The following STAG1 variants were observed in gnomAD, a reference collection of about 807,000 sequenced individuals.
The protein encoded by STAG1 is cohesin subunit SA-1.
STAG1 carries 26 observed loss-of-function variants against 170.9 expected under a neutral mutation model. The ratio of observed to expected loss-of-function variants is 0.15; its 90% confidence interval spans 0.11 to 0.21. The LOEUF (loss-of-function observed/expected upper bound fraction) is 0.21. STAG1 is among the 10% of genes least tolerant of loss of function. STAG1 has a pLI of 1.00. For missense variants in STAG1, 964 were observed against 1,509.5 expected (o/e 0.64, Z 5.99); for synonymous variants, 514 against 497.7 (o/e 1.03, Z -0.44).
chr3:136,586,585 G>A (rs1234626248), intron 4 of STAG1, among the ~76,000 whole-genome samples: 1 of 152,140 alleles, frequency 6.6e-6, no homozygotes, highest in Non-Finnish European at 1.5e-5. Flanking sequence ...TTCCTTCAAG[G>A]ATCTAGCTCT....
chr3:136,662,509 T>C (rs760720404), intron 1 of STAG1, among the ~76,000 whole-genome samples: 1 of 151,990 alleles, frequency 6.6e-6, no homozygotes, highest in Non-Finnish European at 1.5e-5. Context: ...GCTAGCGCAA[T>C]CATGACTCAC....
intron 24 of STAG1, among the ~76,000 whole-genome samples, chr3:136,368,727 C>G (rs1340793167): frequency 6.6e-6 from 1 of 152,094 alleles, no homozygotes. Context: ...AAAGACAGAG[C>G]TCTCTATATA....
chr3:136,541,582 A>ACACACACACACACACACACACC (rs1283802944), intron 6 of STAG1, among the ~76,000 whole-genome samples: 1 of 150,066 alleles, frequency 6.7e-6, no homozygotes. Context: ...ACACACACAC[A>ACACACACACACACACACACACC]CACCAGGGGT....
At chr3:136,677,435 T>C (rs1445329904) in intron 1 of STAG1, among the ~76,000 whole-genome samples, 1 of 152,202 alleles carries the variant, frequency 6.6e-6, no homozygotes, top group Non-Finnish European at 1.5e-5. Context: ...GACATATGAC[T>C]ATATATAAAA....
At chr3:136,487,426 C>T (rs889994750) in intron 9 of STAG1, among the ~76,000 whole-genome samples, 4 of 152,180 alleles carry the variant, frequency 2.6e-5, no homozygotes, top group Non-Finnish European at 4.4e-5. Flanking sequence ...TTTCATACCA[C>T]ATGTTTTCTA....
chr3:136,708,909 A>G (rs1943302778), intron 1 of STAG1, among the ~76,000 whole-genome samples: 1 of 143,436 alleles, frequency 7.0e-6, no homozygotes. Context: ...GGCTGAATCA[A>G]CCCTCCCACC....
chr3:136,650,363 A>T (rs1031465558), intron 1 of STAG1, among the ~76,000 whole-genome samples: 2 of 152,360 alleles, frequency 1.3e-5, no homozygotes, highest in South Asian at 4.1e-4. Flanking sequence ...TGAAGAAAAT[A>T]GTCATTTTTA....
intron 32 of STAG1, 55 bp downstream of exon 32, chr3:136,340,436 T>C: frequency 8.4e-7 from 1 of 1,195,616 alleles, no homozygotes; most frequent in Non-Finnish European, 1.2e-6. Flanking sequence ...AGGATCATCT[T>C]ACACCAATGC....
At chr3:136,642,206 T>C (rs1410564201) in intron 1 of STAG1, among the ~76,000 whole-genome samples, 2 of 150,590 alleles carry the variant, frequency 1.3e-5, no homozygotes, top group Non-Finnish European at 3.0e-5. Context: ...ACTATTTGCA[T>C]ATCCCATAGA....
intron 1 of STAG1, among the ~76,000 whole-genome samples, chr3:136,750,956 G>C (rs977814814): frequency 3.3e-5 from 5 of 152,150 alleles, no homozygotes; most frequent in Non-Finnish European, 5.9e-5. Context: ...ATCGGAATGT[G>C]CAATTTTCTT....
intron 4 of STAG1, among the ~76,000 whole-genome samples, chr3:136,575,915 C>T (rs13065626): frequency 1.3e-5 from 2 of 152,054 alleles, no homozygotes; most frequent in East Asian, 3.9e-4. Flanking sequence ...CCTCCTTGAA[C>T]GTTCTTCACT....
In STAG1 at chr3:136,630,951, C is replaced by A; in HGVS notation, c.-53G>T. The A allele has an allele frequency of 6.7e-7, 1 of 1,494,526 alleles. No individual in the cohort carries two copies. Among genetic ancestry groups the A allele is most frequent in the Non-Finnish European group, 8.9e-7 (1 of 1,121,300 alleles). The allele number at this position is 1,494,526 out of a possible 1,614,324, so 92.6% of individuals were successfully genotyped here. ...CAAAATAATCAAGTGCTGTACAACT[C>A]AAAACTTTTAAAATAACCTCAAAGG... is the stretch of plus-strand genomic sequence containing the variant. On this transcript the variant is annotated 5_prime_UTR_variant, in exon 2 of 34. Transcript: ENST00000383202.
rs781597295 is a variant in STAG1 at position 136,338,434 on chromosome 3, C to T, written c.3689G>A (p.Arg1230Gln). ...TGGCCTTAGCTCAGCTCTCTCTCGC[C>T]GATTTCTTGATGGAGGCTGGAAAGA... Reference protein sequence around the residue: ...MVIDLPPSRNRRERAELRPDF... With the variant: ...MVIDLPPSRNQRERAELRPDF... The change falls in exon 33 of 34, where the codon CGG becomes CAG. Residue 1230 changes from arginine to glutamine, a missense_variant. Coordinates refer to ENST00000383202, the MANE Select transcript of STAG1 (RefSeq NM_005862.3). 6 of 1,613,748 alleles carry T rather than the reference C, an allele frequency of 3.7e-6. No individual in the cohort carries two copies. Among genetic ancestry groups the T allele is most frequent in the East Asian group, 2.2e-5 (1 of 44,850 alleles).
chr3:136,343,072 T>A (rs1337249901), intron 30 of STAG1, among the ~76,000 whole-genome samples: 1 of 152,202 alleles, frequency 6.6e-6, no homozygotes, highest in Admixed American at 6.5e-5. Flanking sequence ...TGTCTCTATT[T>A]TCAACCTAAC....
rs77911078 is a variant in STAG1, at chr3:136,594,456, T to G, written c.297+9853A>C. 2.6e-3 allele frequency among the ~76,000 whole-genome samples: 402 copies of G among 152,270 alleles called. 1 individual carries two copies. The highest frequency in any genetic ancestry group is 9.3e-3 in the African/African-American group (386 of 41,544). ...ATCATATTTAAATGGACAAAATTAG[T>G]TTCACCTTCAAAGTCAGTTGTCAAA... is the stretch of plus-strand genomic sequence containing the variant. On this transcript the variant is annotated intron_variant, in intron 4 of 33. Coordinates refer to ENST00000383202, the MANE Select transcript of STAG1 (RefSeq NM_005862.3).
intron 15 of STAG1, among the ~76,000 whole-genome samples, chr3:136,442,431 T>C (rs2088659037): frequency 6.6e-6 from 1 of 152,344 alleles, no homozygotes. Context: ...AATCTCTTTA[T>C]TAGGTATACA....
intron 5 of STAG1, among the ~76,000 whole-genome samples, chr3:136,548,881 C>T (rs1936267474): frequency 6.6e-6 from 1 of 152,120 alleles, no homozygotes; most frequent in African/African-American, 2.4e-5. Flanking sequence ...GGTGAATTAT[C>T]ATAAGATCTG....
intron 2 of STAG1, among the ~76,000 whole-genome samples, chr3:136,629,028 T>C (rs918902795): frequency 2.6e-5 from 4 of 152,170 alleles, no homozygotes; most frequent in Non-Finnish European, 4.4e-5. Flanking sequence ...CCAGAGCTCA[T>C]TTATCCAGCT....
At chr3:136,408,302 A>C (rs374342722) in intron 21 of STAG1, among the ~76,000 whole-genome samples, 12 of 152,324 alleles carry the variant, frequency 7.9e-5, no homozygotes, top group Admixed American at 2.0e-4. Context: ...CACATACAAC[A>C]GTATTTGAGA....
Sources: allele counts gnomAD v4.1 joint callset (sites outside exome capture counted in the v4.1 genomes callset), GRCh38; gene constraint gnomAD v4.1.1; transcripts MANE v1.5; gene names NCBI Gene and HGNC (gene_info 2026-07-23, HGNC 2026-07-21).